PCDHA6: variants seen among roughly 807,000 people sequenced by gnomAD.
The protein encoded by PCDHA6 is protocadherin alpha 6.
PCDHA6 carries 55 observed loss-of-function variants against 60.3 expected under a neutral mutation model. The ratio of observed to expected loss-of-function variants is 0.91; its 90% CI spans 0.73 to 1.14. PCDHA6 has a LOEUF of 1.14. Among genes scored for constraint, PCDHA6 ranks in the 50% most tolerant of loss-of-function variants. The pLI, the probability that PCDHA6 is intolerant of heterozygous loss-of-function variation, is 0.00. For missense variants in PCDHA6, 1,327 were observed against 1,256.5 expected (o/e 1.06, Z -0.85); for synonymous variants, 652 against 557.9 (o/e 1.17, Z -2.38).
Position 140,938,882 on chromosome 5 carries a change from C to T in PCDHA6, c.2395-40067C>T, listed in dbSNP as rs529115064. On this transcript the variant is annotated intron_variant, in intron 1 of 3. Transcript: ENST00000529310. ...AACTTAAAAGTTAAGAAGCAACACA[C>T]ACACACACAGATGCGCACACACACA... is the stretch of plus-strand genomic sequence containing the variant. Among the ~76,000 whole-genome samples the T allele has an allele frequency of 3.3e-5, 5 of 152,218 alleles. No individual in the cohort carries two copies. The South Asian group carries it at 1.0e-3, about 32-fold the overall frequency.
chr5:140,852,890 T>G (rs1315995547), intron 1 of PCDHA6: 3 of 912,634 alleles, frequency 3.3e-6, no homozygotes, highest in East Asian at 2.3e-4. Context: ...AACGTATTTT[T>G]TTTTTTGAGT....
At chr5:140,981,939 A>G (rs765176340) in intron 2 of PCDHA6, among the ~76,000 whole-genome samples, 1 of 152,180 alleles carries the variant, frequency 6.6e-6, no homozygotes, top group Non-Finnish European at 1.5e-5. Context: ...CTCAGGAAAT[A>G]TAGGGTGGGT....
rs150226999 is a variant in PCDHA6, at chr5:140,970,370, C to T, written c.2395-8579C>T. 2.1e-3 allele frequency among the ~76,000 whole-genome samples: 315 copies of T among 152,234 alleles called. 1 individual carries two copies. The highest frequency in any genetic ancestry group is 7.2e-3 in the African/African-American group (299 of 41,540). On this transcript the variant is annotated intron_variant, in intron 1 of 3. Coordinates refer to ENST00000529310, the MANE Select transcript of PCDHA6 (RefSeq NM_018909.4). ...GGATCTAAAATTTGATTTGCTATAG[C>T]TTCAAAAGGCTGGCTTGGAAAGTGG...
intron 1 of PCDHA6, among the ~76,000 whole-genome samples, chr5:140,977,512 G>GAAACTTGA: frequency 3.9e-5 from 6 of 152,278 alleles, no homozygotes; most frequent in Admixed American, 3.9e-4. Context: ...AGCATTTTGT[G>GAAACTTGA]AACTTGAAAA....
chr5:140,891,861 T>C (rs1346164388), intron 1 of PCDHA6, among the ~76,000 whole-genome samples: 1 of 152,174 alleles, frequency 6.6e-6, no homozygotes, highest in Non-Finnish European at 1.5e-5. Context: ...GTCCCTCTCT[T>C]ATGCTTTTGG....
intron 1 of PCDHA6, chr5:140,861,477 A>AT (rs2046941356): frequency 1.6e-5 from 8 of 493,206 alleles, no homozygotes; most frequent in South Asian, 1.2e-4. Context: ...GCAGAATGGC[A>AT]TTTTTGTGAG....
chr5:140,847,761 T>G (rs1279113142), intron 1 of PCDHA6: 1 of 149,846 alleles, frequency 6.7e-6, no homozygotes, highest in Non-Finnish European at 1.5e-5. Context: ...CACAAGACCT[T>G]AAAGTCAATT....
intron 1 of PCDHA6, among the ~76,000 whole-genome samples, chr5:140,935,507 G>A (rs2090409706): frequency 6.6e-6 from 1 of 152,138 alleles, no homozygotes. Context: ...CCTTACAAAT[G>A]CCCAGTAGGC....
chr5:140,887,018 G>C (rs965813784), intron 1 of PCDHA6, among the ~76,000 whole-genome samples: 70 of 151,906 alleles, frequency 4.6e-4, no homozygotes, highest in African/African-American at 1.6e-3. Context: ...CCTACTGCCT[G>C]AAAAATTTCT....
intron 3 of PCDHA6, among the ~76,000 whole-genome samples, chr5:140,985,614 C>G (rs2097160648): frequency 6.6e-6 from 1 of 152,100 alleles, no homozygotes; most frequent in East Asian, 1.9e-4. Flanking sequence ...TTCCGTGAAC[C>G]AGCTGTGTAT....
chr5:140,854,536 A>G (rs930055548), intron 1 of PCDHA6: 6 of 150,026 alleles, frequency 4.0e-5, no homozygotes, highest in African/African-American at 1.5e-4. Context: ...CATTTCTGTC[A>G]GTTTTCTTAT....
At chr5:140,834,853 C>T in intron 1 of PCDHA6, 1 of 1,610,524 alleles carries the variant, frequency 6.2e-7, no homozygotes, top group Non-Finnish European at 8.5e-7. Flanking sequence ...CTAGAGGGCG[C>T]GTCCGATGCA....
intron 1 of PCDHA6, among the ~76,000 whole-genome samples, chr5:140,921,089 T>C (rs2080011859): frequency 6.6e-6 from 1 of 151,966 alleles, no homozygotes; most frequent in African/African-American, 2.4e-5. Context: ...AAGAGAATCC[T>C]CCTGCCTCAG....
intron 1 of PCDHA6, among the ~76,000 whole-genome samples, chr5:140,972,527 C>A (rs1173109086): frequency 6.6e-6 from 1 of 152,092 alleles, no homozygotes; most frequent in Non-Finnish European, 1.5e-5. Flanking sequence ...GAGCTTATTT[C>A]ATAAATCACT....
intron 3 of PCDHA6, chr5:140,988,853 A>G (rs1216953693): frequency 1.3e-5 from 2 of 152,208 alleles, no homozygotes; most frequent in Non-Finnish European, 2.9e-5. Flanking sequence ...AAACCTATCC[A>G]GTCTCATGTG....
chr5:140,858,249 A>G lies in PCDHA6; in HGVS notation c.2394+27764A>G, dbSNP rs782165070. Reference sequence around the variant, plus strand: ...ACCGAGGGCGCATGTGGGCCGGTGAAGCCCACGCTGGTGTGCTCTAGCGCG... The same window carrying G: ...ACCGAGGGCGCATGTGGGCCGGTGAGGCCCACGCTGGTGTGCTCTAGCGCG... On this transcript the variant is annotated intron_variant, in intron 1 of 3. Coordinates refer to ENST00000529310, the MANE Select transcript of PCDHA6 (RefSeq NM_018909.4). 53 of 1,596,100 alleles carry G rather than the reference A, an allele frequency of 3.3e-5. 6 individuals are homozygous for G. The highest frequency in any genetic ancestry group is 4.5e-5 in the Non-Finnish European group (52 of 1,166,170).
In PCDHA6 at chr5:140,842,728, G is replaced by A. The variant is rs2150343168; in HGVS notation, c.2394+12243G>A. 2 of 1,595,050 alleles carry A rather than the reference G, an allele frequency of 1.3e-6. 1 individual carries two copies. Reference sequence around the variant, plus strand: ...CGGTGTTCGTGAAGGAGAACAACCCGCCGGGCTGCCACATCTTCACGGTGT... The same window carrying A: ...CGGTGTTCGTGAAGGAGAACAACCCACCGGGCTGCCACATCTTCACGGTGT... On this transcript the variant is annotated intron_variant, in intron 1 of 3. Transcript: ENST00000529310.
chr5:140,836,021 C>T lies in PCDHA6; in HGVS notation c.2394+5536C>T, dbSNP rs2150250890. On this transcript the variant is annotated intron_variant, in intron 1 of 3. Transcript: ENST00000529310. ...GCGATGCGGGCGTGCCGCCTCTGGG[C>T]AGCAACGTGACGCTGCAGGTGTTCG... is the stretch of plus-strand genomic sequence containing the variant. The T allele has an allele frequency of 3.1e-6, 5 of 1,613,270 alleles. No homozygotes were observed. In the East Asian group the frequency reaches 8.9e-5, roughly 29 times the overall value.
intron 1 of PCDHA6, chr5:140,882,277 T>C: frequency 1.9e-6 from 3 of 1,612,528 alleles, no homozygotes; most frequent in African/African-American, 1.3e-5. Flanking sequence ...CCATGCTGTC[T>C]TCCTGGCAAG....
Sources: gnomAD v4.1 joint callset for allele counts (sites outside exome capture counted in the v4.1 genomes callset) on GRCh38, gnomAD v4.1.1 for gene constraint, MANE v1.5 for transcripts, NCBI Gene and HGNC (gene_info 2026-07-23, HGNC 2026-07-21) for gene names.